Variants in CTNNA2 observed in about 807,000 individuals in gnomAD.
CTNNA2 encodes catenin alpha-2.
In CTNNA2, 42 loss-of-function variants were observed where a neutral mutation model predicts 101.0. That is an observed-to-expected ratio of 0.42 (90% CI 0.32 to 0.54). The LOEUF is 0.54. Ranked by LOEUF, CTNNA2 falls within the 20% of genes least tolerant of loss-of-function variation. CTNNA2 has a pLI of 0.14. For synonymous variants in CTNNA2, 450 were observed against 456.4 expected, an observed-to-expected ratio of 0.99 and a Z score of 0.18; for missense variants, 871 against 1,223.1, an observed-to-expected ratio of 0.71 and a Z score of 4.29.
intron 3 of CTNNA2, among the ~76,000 whole-genome samples, chr2:79,760,748 T>C (rs1052038753): frequency 2.6e-5 from 4 of 152,196 alleles, no homozygotes; most frequent in African/African-American, 4.8e-5. Context: ...ATTGTACTTA[T>C]GTAAAAGTGC....
intron 7 of CTNNA2, among the ~76,000 whole-genome samples, chr2:80,389,079 G>C (rs181470216): frequency 6.6e-6 from 1 of 152,248 alleles, no homozygotes; most frequent in African/African-American, 2.4e-5. Context: ...CAAGGTTTTC[G>C]TACATTATCT....
intron 7 of CTNNA2, among the ~76,000 whole-genome samples, chr2:80,335,819 A>C (rs2167164): frequency 6.0e-4 from 92 of 152,312 alleles, no homozygotes; most frequent in African/African-American, 2.2e-3. Context: ...TTTGTTTCTG[A>C]AAATAATAGG....
At chr2:79,707,227 C>G (rs1426498069) in intron 2 of CTNNA2, among the ~76,000 whole-genome samples, 3 of 152,152 alleles carry the variant, frequency 2.0e-5, no homozygotes, top group Non-Finnish European at 4.4e-5. Flanking sequence ...CACTGGTACC[C>G]CCTCCTACTA....
intron 3 of CTNNA2, among the ~76,000 whole-genome samples, chr2:79,850,664 A>T (rs926109905): frequency 6.6e-6 from 1 of 152,158 alleles, no homozygotes; most frequent in Non-Finnish European, 1.5e-5. Context: ...CTACTTCACC[A>T]CTTACCATCT....
Position 79,449,459 on chromosome 2 carries a change from G to A in CTNNA2, c.-134-55595G>A, listed in dbSNP as rs538193721. 7.2e-5 allele frequency among the ~76,000 whole-genome samples: 11 copies of A among 151,998 alleles called. No homozygotes were observed. In the South Asian group the frequency reaches 2.3e-3, roughly 32 times the overall value. On this transcript the variant is annotated intron_variant, in intron 4 of 21. Transcript: ENST00000466387. ...TCTAGCATATGAGAGTTTGGGTTAGGTAATAAAGACTTTTTCTGTTGCAAG... is the reference window on the plus strand; with the variant it reads ...TCTAGCATATGAGAGTTTGGGTTAGATAATAAAGACTTTTTCTGTTGCAAG...
At chr2:79,773,824 G>A (rs1673766709) in intron 3 of CTNNA2, among the ~76,000 whole-genome samples, 1 of 151,936 alleles carries the variant, frequency 6.6e-6, no homozygotes, top group Non-Finnish European at 1.5e-5. Flanking sequence ...ATTATCTTTT[G>A]TTTTTTTCTG....
intron 7 of CTNNA2, chr2:80,029,639 G>T (rs1695159820): frequency 6.9e-6 from 1 of 143,974 alleles, no homozygotes; most frequent in Non-Finnish European, 1.5e-5. Flanking sequence ...GACAGCCTGG[G>T]ATTTTTTTTT....
chr2:79,727,729 C>A (rs1316589754), intron 2 of CTNNA2, among the ~76,000 whole-genome samples: 1 of 99,706 alleles, frequency 1.0e-5, no homozygotes. Flanking sequence ...CCTCCCCCCT[C>A]CCCCCACCCC....
intron 4 of CTNNA2, among the ~76,000 whole-genome samples, chr2:79,463,748 G>A (rs1323247664): frequency 6.6e-6 from 1 of 152,162 alleles, no homozygotes; most frequent in Non-Finnish European, 1.5e-5. Flanking sequence ...TCTCGAGAGT[G>A]GAAGGGGTGC....
chr2:79,858,563 G>A (rs1162603061), intron 4 of CTNNA2, among the ~76,000 whole-genome samples: 2 of 152,158 alleles, frequency 1.3e-5, no homozygotes, highest in Non-Finnish European at 2.9e-5. Flanking sequence ...GCTCTGCTGA[G>A]CAGCTGACCA....
At chr2:80,270,958 T>C (rs1673415998) in intron 7 of CTNNA2, among the ~76,000 whole-genome samples, 1 of 152,118 alleles carries the variant, frequency 6.6e-6, no homozygotes, top group Non-Finnish European at 1.5e-5. Context: ...AGAAACACAA[T>C]TGGCAGCTAC....
At chr2:79,710,049 C>T (rs190232951) in intron 2 of CTNNA2, among the ~76,000 whole-genome samples, 2 of 152,138 alleles carry the variant, frequency 1.3e-5, no homozygotes, top group South Asian at 2.1e-4. Flanking sequence ...GAGGAAAAAT[C>T]CCGATACTTG....
intron 12 of CTNNA2, among the ~76,000 whole-genome samples, chr2:80,559,241 G>C (rs554699296): frequency 3.9e-4 from 59 of 152,328 alleles, no homozygotes; most frequent in African/African-American, 1.4e-3. Context: ...AAAAGGGAGT[G>C]GGGTTGGGAG....
chr2:79,912,606 GA>G (rs1303255226), intron 7 of CTNNA2, among the ~76,000 whole-genome samples: 1 of 152,228 alleles, frequency 6.6e-6, no homozygotes, highest in South Asian at 2.1e-4. Context: ...ATTCTTTTAG[GA>G]AAGCCTTGGC....
chr2:80,438,478 T>G (rs12620785), intron 9 of CTNNA2, among the ~76,000 whole-genome samples: 8 of 151,874 alleles, frequency 5.3e-5, no homozygotes, highest in Non-Finnish European at 1.5e-5. Context: ...ATACTTTCAT[T>G]TGTTTTGAAG....
intron 15 of CTNNA2, among the ~76,000 whole-genome samples, chr2:80,592,008 A>G (rs77300199): frequency 1.3e-5 from 2 of 152,300 alleles, no homozygotes; most frequent in African/African-American, 2.4e-5. Context: ...TCAGAAAGAA[A>G]TCGCATGTTG....
chr2:80,446,734 T>A (rs1304461388), intron 9 of CTNNA2, among the ~76,000 whole-genome samples: 1 of 152,158 alleles, frequency 6.6e-6, no homozygotes, highest in Non-Finnish European at 1.5e-5. Flanking sequence ...TTGAGAAAAT[T>A]AATTTTTGGA....
chr2:80,395,183 G>A (rs994543712), intron 8 of CTNNA2, among the ~76,000 whole-genome samples: 1 of 152,192 alleles, frequency 6.6e-6, no homozygotes, highest in African/African-American at 2.4e-5. Context: ...ATGCTTAGGT[G>A]ACAAGCTCCT....
At chr2:79,987,991 TG>T (rs1317042427) in intron 7 of CTNNA2, among the ~76,000 whole-genome samples, 1 of 152,238 alleles carries the variant, frequency 6.6e-6, no homozygotes, top group East Asian at 1.9e-4. Context: ...TAAGGGAAGT[TG>T]GGACAGACTT....
Sources: allele counts gnomAD v4.1 joint callset (sites outside exome capture counted in the v4.1 genomes callset), GRCh38; gene constraint gnomAD v4.1.1; transcripts MANE v1.5; gene names NCBI Gene and HGNC (gene_info 2026-07-23, HGNC 2026-07-21).